The following TRAM2 variants were observed in gnomAD, a reference collection of about 807,000 sequenced individuals.
TRAM2 encodes translocating chain-associated membrane protein 2.
TRAM2 carries 12 observed loss-of-function variants against 51.0 expected under a neutral mutation model. That is an observed-to-expected ratio of 0.24 (90% CI 0.15 to 0.38). TRAM2 has a LOEUF of 0.38. Among genes scored for constraint, TRAM2 ranks in the 10% least tolerant of loss-of-function variants. The probability of loss-of-function intolerance (pLI) is 1.00; values close to 1 mark genes in which losing one functional copy is unlikely to be tolerated. For synonymous variants in TRAM2, 175 were observed against 179.4 expected (o/e 0.98, Z 0.20); for missense variants, 361 against 462.0 (o/e 0.78, Z 2.00).
intron 2 of TRAM2, among the ~76,000 whole-genome samples, chr6:52,519,787 T>C (rs1205780404): frequency 2.7e-5 from 4 of 149,958 alleles, no homozygotes; most frequent in East Asian, 1.9e-4. Context: ...GCTGTATACA[T>C]ACAGTGGAAG....
intron 1 of TRAM2, among the ~76,000 whole-genome samples, chr6:52,555,991 T>G (rs1470117576): frequency 6.6e-6 from 1 of 152,214 alleles, no homozygotes; most frequent in Non-Finnish European, 1.5e-5. Flanking sequence ...CATGTTATGA[T>G]GGTTAGGTCA....
chr6:52,544,534 C>T (rs554314528), intron 1 of TRAM2, among the ~76,000 whole-genome samples: 1 of 152,328 alleles, frequency 6.6e-6, no homozygotes, highest in South Asian at 2.1e-4. Flanking sequence ...GCAGTGCATC[C>T]TCCTCCTGTG....
chr6:52,571,456 C>G (rs548654127), intron 1 of TRAM2, among the ~76,000 whole-genome samples: 3 of 152,172 alleles, frequency 2.0e-5, no homozygotes, highest in Non-Finnish European at 4.4e-5. Context: ...CCTCGAGAAA[C>G]GAGTGACTGA....
intron 1 of TRAM2, among the ~76,000 whole-genome samples, chr6:52,546,062 T>A (rs1184571274): frequency 6.6e-6 from 1 of 152,128 alleles, no homozygotes; most frequent in African/African-American, 2.4e-5. Context: ...GGCTCCTGAC[T>A]GTGAGAACTG....
intron 1 of TRAM2, among the ~76,000 whole-genome samples, chr6:52,542,180 C>T (rs768849975): frequency 7.9e-5 from 12 of 151,554 alleles, no homozygotes; most frequent in African/African-American, 1.2e-4. Flanking sequence ...CATCTTTCTG[C>T]GGAGGAAGTG....
chr6:52,552,713 C>T (rs2284808), intron 1 of TRAM2, among the ~76,000 whole-genome samples: 13,898 of 152,178 alleles, frequency 0.091, 1,132 homozygotes, highest in Admixed American at 0.26. Flanking sequence ...TCTATTCCGG[C>T]GACACTCAGA....
chr6:52,568,004 T>C (rs1304778715), intron 1 of TRAM2, among the ~76,000 whole-genome samples: 1 of 152,232 alleles, frequency 6.6e-6, no homozygotes, highest in Non-Finnish European at 1.5e-5. Context: ...CATTTTCCAG[T>C]CCTGTTCTAC....
rs1331590312 is a variant in TRAM2 at position 52,497,420 on chromosome 6, TTTTA to T, written c.*5773_*5776del. On this transcript the variant is annotated 3_prime_UTR_variant, in exon 11 of 11. Coordinates refer to ENST00000182527, the MANE Select transcript of TRAM2 (RefSeq NM_012288.4). Reference sequence around the variant, plus strand: ...GAGACAATTCTGATAATTTTCTGCCTTTTATTGTTATTTCAGAAAATATTTGATC... The same window carrying T: ...GAGACAATTCTGATAATTTTCTGCCTTTGTTATTTCAGAAAATATTTGATC... 3.9e-5 allele frequency: 6 copies of T among 152,800 alleles called. No homozygotes were observed. The highest frequency in any genetic ancestry group is 9.6e-5 in the African/African-American group (4 of 41,596). 9.5% of individuals were successfully genotyped at this position (152,800 alleles called of 1,614,324 possible). A position where few individuals can be genotyped will look rare whatever the true frequency, so the allele number is the denominator to read the frequency against.
At chr6:52,531,078 T>G (rs1766881540) in intron 2 of TRAM2, among the ~76,000 whole-genome samples, 1 of 128,702 alleles carries the variant, frequency 7.8e-6, no homozygotes, top group South Asian at 2.4e-4. Flanking sequence ...TATACACTAC[T>G]TAAGGAAGAA....
At chr6:52,554,636 C>T (rs1246280107) in intron 1 of TRAM2, among the ~76,000 whole-genome samples, 1 of 151,966 alleles carries the variant, frequency 6.6e-6, no homozygotes, top group African/African-American at 2.4e-5. Context: ...CAATGGGCTA[C>T]TGTGTTGGGG....
chr6:52,552,850 T>C (rs1767333228), intron 1 of TRAM2, among the ~76,000 whole-genome samples: 1 of 152,222 alleles, frequency 6.6e-6, no homozygotes, highest in South Asian at 2.1e-4. Flanking sequence ...AGCTCTATAC[T>C]TGCCTATGTC....
At chr6:52,524,306 A>C (rs1478825053) in intron 2 of TRAM2, 3 of 152,012 alleles carry the variant, frequency 2.0e-5, no homozygotes, top group Non-Finnish European at 4.4e-5. Flanking sequence ...GGTACAGAAG[A>C]AGCATATAGT....
intron 4 of TRAM2, among the ~76,000 whole-genome samples, chr6:52,511,718 T>G (rs527339832): frequency 6.6e-6 from 1 of 152,200 alleles, no homozygotes; most frequent in East Asian, 1.9e-4. Context: ...CTTTCGGGTA[T>G]AGTCCACGGC....
intron 2 of TRAM2, among the ~76,000 whole-genome samples, chr6:52,520,570 T>C (rs1464698227): frequency 6.6e-6 from 1 of 152,218 alleles, no homozygotes; most frequent in Non-Finnish European, 1.5e-5. Context: ...ATAGCCTCTT[T>C]CATGGTTTTA....
At chr6:52,554,116 T>C (rs1767358886) in intron 1 of TRAM2, among the ~76,000 whole-genome samples, 1 of 151,868 alleles carries the variant, frequency 6.6e-6, no homozygotes, top group Admixed American at 6.5e-5. Flanking sequence ...GGCAATCAAG[T>C]CCTAGAACTT....
At chr6:52,510,795 G>A (rs2268740) in intron 4 of TRAM2, among the ~76,000 whole-genome samples, 114,436 of 152,134 alleles carry the variant, frequency 0.75, 43,154 homozygotes, top group East Asian at 0.86. Flanking sequence ...GTGATACCCT[G>A]GGGACATACC....
intron 7 of TRAM2, 89 bp downstream of exon 7, chr6:52,507,464 A>G (rs573289063): frequency 7.3e-6 from 10 of 1,377,326 alleles, no homozygotes; most frequent in East Asian, 2.3e-5. Flanking sequence ...GAGGATGTCA[A>G]CAAATGCCTG....
chr6:52,505,656 C>A lies in TRAM2; in HGVS notation c.818G>T (p.Arg273Leu), dbSNP rs776994347. 6.2e-7 allele frequency: 1 copy of A among 1,612,156 alleles called. No individual in the cohort carries two copies. Among genetic ancestry groups the A allele is most frequent in the Non-Finnish European group, 8.5e-7 (1 of 1,179,368 alleles). Residue 273 changes from arginine (R) to leucine (L), a missense_variant, in exon 9 of 11, where the codon CGC becomes CTC. Physicochemically the swap from Arg to Leu is moderately radical, Grantham distance 102. Transcript: ENST00000182527. ...AVLAIGFGLA[R>L]MENQAFDPEK... is the part of the protein sequence containing the mutation. ...GGGATCAAATGCCTGGTTTTCCATG[C>A]GAGCCAGTCCAAAGCCAATGGCCAG...
chr6:52,540,019 C>G (rs954422787), intron 1 of TRAM2, among the ~76,000 whole-genome samples: 1 of 151,802 alleles, frequency 6.6e-6, no homozygotes, highest in Admixed American at 6.6e-5. Context: ...GACAAAAATA[C>G]TAGATCCCAG....
Sources: gnomAD v4.1 joint callset for allele counts (sites outside exome capture counted in the v4.1 genomes callset) on GRCh38, gnomAD v4.1.1 for gene constraint, MANE v1.5 for transcripts, NCBI Gene and HGNC (gene_info 2026-07-23, HGNC 2026-07-21) for gene names.